Variants in LIN54 observed in about 807,000 individuals in gnomAD.
LIN54 encodes protein lin-54 homolog.
LIN54 carries 9 observed loss-of-function variants against 78.7 expected under a neutral mutation model. That is an observed-to-expected ratio of 0.11 (90% CI 0.07 to 0.20). LIN54 has a LOEUF of 0.20. Ranked by LOEUF, LIN54 falls within the 10% of genes least tolerant of loss-of-function variation. LIN54 has a pLI of 1.00. For synonymous variants in LIN54, 269 were observed against 318.4 expected (o/e 0.84, Z 1.65); for missense variants, 573 against 889.9 (o/e 0.64, Z 4.53).
intron 8 of LIN54, among the ~76,000 whole-genome samples, chr4:82,937,532 T>A (rs1722487258): frequency 6.6e-6 from 1 of 152,160 alleles, no homozygotes; most frequent in African/African-American, 2.4e-5. Context: ...CAAAGGCAAG[T>A]TGTAACATGA....
At chr4:82,964,706 T>C (rs1725062700) in intron 4 of LIN54, among the ~76,000 whole-genome samples, 1 of 126,752 alleles carries the variant, frequency 7.9e-6, no homozygotes, top group African/African-American at 3.5e-5. Flanking sequence ...AAAAGCTTTA[T>C]TGCTCAAAAA....
intron 1 of LIN54, among the ~76,000 whole-genome samples, chr4:82,987,184 A>G (rs2126090234): frequency 6.6e-6 from 1 of 152,310 alleles, no homozygotes; most frequent in African/African-American, 2.4e-5. Context: ...CCAGCTACTC[A>G]GAAGGCTGAA....
At chr4:82,959,351 TG>T (rs1340873701) in intron 4 of LIN54, among the ~76,000 whole-genome samples, 3 of 151,924 alleles carry the variant, frequency 2.0e-5, no homozygotes, top group Non-Finnish European at 4.4e-5. Context: ...TTTAATTAGC[TG>T]GGCATGGTGG....
intron 5 of LIN54, among the ~76,000 whole-genome samples, chr4:82,945,332 C>A (rs541681294): frequency 6.6e-6 from 1 of 152,242 alleles, no homozygotes; most frequent in Admixed American, 6.5e-5. Context: ...CCTTTCATAT[C>A]CCTCAATTTT....
At chr4:83,005,148 G>A (rs1285792972) in intron 1 of LIN54, among the ~76,000 whole-genome samples, 9 of 152,068 alleles carry the variant, frequency 5.9e-5, no homozygotes, top group Non-Finnish European at 1.0e-4. Context: ...CACCCACCTC[G>A]GCCTCCTGAA....
intron 4 of LIN54, among the ~76,000 whole-genome samples, chr4:82,946,822 G>A (rs907808614): frequency 4.5e-4 from 69 of 152,008 alleles, no homozygotes; most frequent in Non-Finnish European, 1.3e-4. Flanking sequence ...CCAGAATTAA[G>A]CCCCATATTC....
chr4:83,000,739 A>G (rs746223601), intron 1 of LIN54, among the ~76,000 whole-genome samples: 2 of 152,036 alleles, frequency 1.3e-5, no homozygotes, highest in Non-Finnish European at 2.9e-5. Flanking sequence ...AGAGAACATC[A>G]TGAAAATCAG....
intron 1 of LIN54, among the ~76,000 whole-genome samples, chr4:82,990,391 T>C (rs983800471): frequency 6.6e-6 from 1 of 152,032 alleles, no homozygotes; most frequent in Non-Finnish European, 1.5e-5. Flanking sequence ...ATCCCCCAAG[T>C]CCCGCAGGGA....
intron 4 of LIN54, among the ~76,000 whole-genome samples, chr4:82,948,002 C>T (rs188415629): frequency 6.6e-6 from 1 of 152,060 alleles, no homozygotes; most frequent in African/African-American, 2.4e-5. Flanking sequence ...AAATAATTCA[C>T]ATATTATCAT....
intron 5 of LIN54, among the ~76,000 whole-genome samples, chr4:82,944,139 G>A (rs1723168093): frequency 6.6e-6 from 1 of 152,024 alleles, no homozygotes; most frequent in Non-Finnish European, 1.5e-5. Flanking sequence ...CCAAAGTGCT[G>A]GGATTACAGG....
At chr4:82,967,475 A>T (rs1406556521) in intron 4 of LIN54, among the ~76,000 whole-genome samples, 1 of 152,150 alleles carries the variant, frequency 6.6e-6, no homozygotes, top group Non-Finnish European at 1.5e-5. Context: ...CTGCACTTTT[A>T]CCACTGGGTT....
At position 82,979,939 on chromosome 4, in the gene LIN54, C is replaced by CAAAAAAAA. The variant is rs70943176; in HGVS notation, c.685-941_685-934dup. ...TGACAGAGTGAGTGAGACTCTGTCT[C>CAAAAAAAA]AAAAAAAAAAAAAAAAAAAAAAAAA... On this transcript the variant is annotated intron_variant, in intron 2 of 12. Transcript: ENST00000340417. Among the ~76,000 whole-genome samples, 276 of 49,836 alleles carry CAAAAAAAA rather than the reference C, an allele frequency of 5.5e-3. 35 individuals are homozygous for CAAAAAAAA. The highest frequency in any genetic ancestry group is 0.017 in the African/African-American group (199 of 11,862). 32.7% of individuals were successfully genotyped at this position (49,836 alleles called of 152,430 possible). A position where few individuals can be genotyped will look rare whatever the true frequency, so the allele number is the denominator to read the frequency against.
At chr4:82,963,673 G>A (rs1455604691) in intron 4 of LIN54, among the ~76,000 whole-genome samples, 1 of 46,218 alleles carries the variant, frequency 2.2e-5, no homozygotes, top group Non-Finnish European at 4.1e-5. Flanking sequence ...TGATTGTAGA[G>A]CAACCACTAA....
At chr4:82,993,383 AT>A (rs1727912149) in intron 1 of LIN54, among the ~76,000 whole-genome samples, 1 of 147,386 alleles carries the variant, frequency 6.8e-6, no homozygotes, top group African/African-American at 2.5e-5. Context: ...CCCCTGGCTA[AT>A]TTTTTGTATT....
chr4:82,943,635 C>T (rs951098182), intron 5 of LIN54, among the ~76,000 whole-genome samples: 9 of 151,402 alleles, frequency 5.9e-5, no homozygotes, highest in Non-Finnish European at 1.3e-4. Context: ...ATAACATGGG[C>T]GTATATGTAT....
intron 1 of LIN54, among the ~76,000 whole-genome samples, chr4:83,000,171 G>C (rs1156511420): frequency 6.6e-6 from 1 of 152,120 alleles, no homozygotes; most frequent in Non-Finnish European, 1.5e-5. Context: ...TGGGATTACA[G>C]GTATGAGCCA....
intron 5 of LIN54, among the ~76,000 whole-genome samples, chr4:82,945,440 CAACA>C (rs980496733): frequency 2.0e-5 from 3 of 151,776 alleles, no homozygotes; most frequent in African/African-American, 7.3e-5. Flanking sequence ...AATAGAAGGA[CAACA>C]AACAGGAATA....
chr4:82,942,860 GCACACACACACA>G (rs1214264708), intron 5 of LIN54, among the ~76,000 whole-genome samples: 1 of 38,512 alleles, frequency 2.6e-5, no homozygotes, highest in African/African-American at 1.7e-4. Flanking sequence ...GTGTGCGCGC[GCACACACACACA>G]CACACACACA....
At chr4:83,010,234 A>G (rs941431950) in intron 1 of LIN54, among the ~76,000 whole-genome samples, 14 of 152,174 alleles carry the variant, frequency 9.2e-5, no homozygotes, top group Admixed American at 2.0e-4. Flanking sequence ...TTTAAACATT[A>G]TATCAGGAAA....
Sources: gnomAD v4.1 joint callset for allele counts (sites outside exome capture counted in the v4.1 genomes callset) on GRCh38, gnomAD v4.1.1 for gene constraint, MANE v1.5 for transcripts, NCBI Gene and HGNC (gene_info 2026-07-23, HGNC 2026-07-21) for gene names.